The following LUC7L2 variants were observed in gnomAD, a reference collection of about 807,000 sequenced individuals.
The protein encoded by LUC7L2 is LUC7 like 2, pre-mRNA splicing factor, also known as putative RNA-binding protein Luc7-like 2.
Under a neutral mutation model 52.8 loss-of-function variants are expected in LUC7L2, and 25 were observed. The observed-to-expected ratio is 0.47, with a 90% confidence interval of 0.34 to 0.66. LUC7L2 has a LOEUF of 0.66. Among genes scored for constraint, LUC7L2 ranks in the 30% least tolerant of loss-of-function variants. The probability of loss-of-function intolerance (pLI) is 0.01; values close to 1 mark genes in which losing one functional copy is unlikely to be tolerated. For missense variants in LUC7L2, 328 were observed against 497.8 expected (o/e 0.66, Z 3.25); for synonymous variants, 144 against 160.9 (o/e 0.89, Z 0.80).
intron 1 of LUC7L2, among the ~76,000 whole-genome samples, chr7:139,374,162 A>G (rs1284710399): frequency 6.6e-6 from 1 of 152,206 alleles, no homozygotes; most frequent in East Asian, 1.9e-4. Context: ...ACTTGGCTCA[A>G]AGACATTGTC....
At chr7:139,407,389 C>G (rs751381508) in intron 6 of LUC7L2, 39 bp downstream of exon 6, 5 of 1,574,820 alleles carry the variant, frequency 3.2e-6, no homozygotes, top group African/African-American at 1.4e-5. Context: ...TCCTCTTGTT[C>G]TTTTGATCTG....
At chr7:139,345,853 C>G in intron 1 of LUC7L2, 1 of 859,124 alleles carries the variant, frequency 1.2e-6, no homozygotes, top group Non-Finnish European at 1.7e-6. Flanking sequence ...GACATTTCAT[C>G]TTTACTCTCA....
At position 139,402,149 on chromosome 7, in the gene LUC7L2, C is replaced by A; in HGVS notation, c.268C>A (p.Leu90Met). 1.3e-6 allele frequency: 2 copies of A among 1,599,146 alleles called. No homozygotes were observed. Among genetic ancestry groups the A allele is most frequent in the Non-Finnish European group, 1.7e-6 (2 of 1,175,900 alleles). ...TTAAACTTTGTAGGCCATGGATCAT[C>A]TGCAGTCATTCATTGCAGATTGTGA... ...FFFELDAMDH[L>M]QSFIADCDRR... Residue 90 changes from leucine to methionine, a missense_variant, in exon 4 of 10, where the codon CTG becomes ATG. This residue lies in a region of LUC7L2 where 133 missense variants were observed against 274.4 expected (regional missense o/e 0.48). Coordinates refer to ENST00000354926, the MANE Select transcript of LUC7L2 (RefSeq NM_016019.5).
rs1265269161 is a variant in LUC7L2 at position 139,345,336 on chromosome 7, T to C, written c.-26+4819T>C. Reference sequence around the variant, plus strand: ...TAGAGGTCAGCTTTACTAATAACTATAGAGTGCCTCTATAGATGTATTAAG... The same window carrying C: ...TAGAGGTCAGCTTTACTAATAACTACAGAGTGCCTCTATAGATGTATTAAG... On this transcript the variant is annotated intron_variant, in intron 1 of 10. Transcript: ENST00000541170. Among the ~76,000 whole-genome samples, 4 of 152,186 alleles carry C rather than the reference T, an allele frequency of 2.6e-5. No homozygotes were observed. In the East Asian group the frequency reaches 7.7e-4, roughly 29 times the overall value.
upstream of LUC7L2, among the ~76,000 whole-genome samples, chr7:139,356,185 C>T (rs962402698): frequency 6.6e-6 from 1 of 151,662 alleles, no homozygotes; most frequent in Non-Finnish European, 1.5e-5. Context: ...TGGTGCATAC[C>T]TGCAGTCCCA....
At chr7:139,368,558 G>C (rs1043882257) in intron 1 of LUC7L2, among the ~76,000 whole-genome samples, 1 of 152,082 alleles carries the variant, frequency 6.6e-6, no homozygotes, top group African/African-American at 2.4e-5. Context: ...GGCCAACATG[G>C]TGAAACCTGT....
intron 9 of LUC7L2, among the ~76,000 whole-genome samples, chr7:139,420,438 G>T (rs1388396471): frequency 1.3e-5 from 2 of 152,126 alleles, no homozygotes; most frequent in Admixed American, 6.5e-5. Context: ...CCCGACCTCA[G>T]GTGATCCACC....
chr7:139,404,857 T>G (rs990343989), intron 4 of LUC7L2, among the ~76,000 whole-genome samples: 1 of 152,206 alleles, frequency 6.6e-6, no homozygotes, highest in African/African-American at 2.4e-5. Flanking sequence ...GGAAATGAAT[T>G]CAGGTATAAG....
intron 1 of LUC7L2, chr7:139,341,114 G>GA: frequency 2.6e-6 from 1 of 377,598 alleles, no homozygotes; most frequent in Non-Finnish European, 4.5e-6. Flanking sequence ...ACGCAGTGAA[G>GA]AAAAGCCCCT....
At chr7:139,373,836 A>G (rs1800577470) in intron 1 of LUC7L2, among the ~76,000 whole-genome samples, 1 of 152,230 alleles carries the variant, frequency 6.6e-6, no homozygotes. Flanking sequence ...CACTGAAATG[A>G]TTCTGCTGTT....
At chr7:139,350,007 C>G (rs943715325) in intron 1 of LUC7L2, among the ~76,000 whole-genome samples, 2 of 152,174 alleles carry the variant, frequency 1.3e-5, no homozygotes, top group Non-Finnish European at 2.9e-5. Context: ...AACCACTGAC[C>G]TGCTTGTTGT....
chr7:139,346,319 C>T (rs1454654684), intron 1 of LUC7L2: 2 of 152,086 alleles, frequency 1.3e-5, no homozygotes, highest in Non-Finnish European at 2.9e-5. Flanking sequence ...AAGAAACCCT[C>T]TTTTCCTTTG....
At chr7:139,393,184 T>C (rs1306376430) in intron 2 of LUC7L2, among the ~76,000 whole-genome samples, 1 of 151,992 alleles carries the variant, frequency 6.6e-6, no homozygotes, top group Non-Finnish European at 1.5e-5. Flanking sequence ...GGAGAATTGC[T>C]TGAACCTGGG....
intron 1 of LUC7L2, among the ~76,000 whole-genome samples, chr7:139,369,334 G>A (rs1044374556): frequency 2.0e-5 from 3 of 152,022 alleles, no homozygotes; most frequent in African/African-American, 7.2e-5. Flanking sequence ...ACCTATTTTA[G>A]GACTTAATGT....
upstream of LUC7L2, among the ~76,000 whole-genome samples, chr7:139,355,393 C>A (rs1475861527): frequency 6.6e-6 from 1 of 151,282 alleles, no homozygotes; most frequent in Admixed American, 6.6e-5. Flanking sequence ...CAAAGAAAAC[C>A]AGGCACACAA....
intron 1 of LUC7L2, 32 bp from the exon 2 acceptor site, chr7:139,376,030 C>T: frequency 6.2e-7 from 1 of 1,609,704 alleles, no homozygotes; most frequent in Non-Finnish European, 8.5e-7. Context: ...AGTTGTCTAA[C>T]CTTGAATGTT....
chr7:139,340,964 G>T (rs1391274872), intron 1 of LUC7L2, among the ~76,000 whole-genome samples: 1 of 152,002 alleles, frequency 6.6e-6, no homozygotes, highest in Admixed American at 6.6e-5. Context: ...ACGTCAATAC[G>T]TTGAATTTTG....
At chr7:139,387,312 GCC>G (rs1172750621) in intron 2 of LUC7L2, among the ~76,000 whole-genome samples, 1 of 152,000 alleles carries the variant, frequency 6.6e-6, no homozygotes, top group Non-Finnish European at 1.5e-5. Context: ...TCCTGCCTCA[GCC>G]TCCCGAGTAG....
chr7:139,359,417 CGAGA>C, upstream of LUC7L2: 1 of 166,338 alleles, frequency 6.0e-6, no homozygotes, highest in East Asian at 1.7e-4. Context: ...CCGGCGGCGG[CGAGA>C]CAGGCCTGCT....
Sources: gnomAD v4.1 joint callset for allele counts (sites outside exome capture counted in the v4.1 genomes callset) on GRCh38, gnomAD v4.1.1 for gene constraint, gnomAD v4.1.1 regional missense constraint, MANE v1.5 for transcripts, NCBI Gene and HGNC (gene_info 2026-07-23, HGNC 2026-07-21) for gene names.